The following KATNAL2 variants were observed in gnomAD, a reference collection of about 807,000 sequenced individuals.
KATNAL2 encodes katanin catalytic subunit A1 like 2, also known as katanin p60 ATPase-containing subunit A-like 2.
In KATNAL2, 52 loss-of-function variants were observed where a neutral mutation model predicts 76.3. The observed-to-expected ratio is 0.68, with a 90% CI of 0.55 to 0.86. The LOEUF is 0.86. KATNAL2 is among the 40% of genes least tolerant of loss of function. The pLI, the probability that KATNAL2 is intolerant of heterozygous loss-of-function variation, is 0.00. For synonymous variants in KATNAL2, 243 were observed against 244.2 expected, an observed-to-expected ratio of 1.00 and a Z score of 0.05; for missense variants, 660 against 668.9, an observed-to-expected ratio of 0.99 and a Z score of 0.15.
chr18:46,930,728 T>C (rs1165666497), intron 1 of KATNAL2, among the ~76,000 whole-genome samples: 1 of 151,732 alleles, frequency 6.6e-6, no homozygotes, highest in Non-Finnish European at 1.5e-5. Flanking sequence ...GGCAGGAGGA[T>C]TGCTTGAACC....
At chr18:47,095,961 T>C (rs1448612759) in intron 15 of KATNAL2, among the ~76,000 whole-genome samples, 2 of 152,172 alleles carry the variant, frequency 1.3e-5, no homozygotes, top group Non-Finnish European at 2.9e-5. Context: ...GGGGGAATGA[T>C]TGTGCAAGGG....
chr18:47,035,675 A>G (rs1021974503), intron 3 of KATNAL2: 8 of 327,574 alleles, frequency 2.4e-5, no homozygotes, highest in Middle Eastern at 9.8e-4. Context: ...CACAATGCAG[A>G]CAATCGGGAC....
chr18:47,058,321 C>G lies in KATNAL2; in HGVS notation c.419C>G (p.Thr140Ser). The change falls in exon 7 of 18, where the codon ACC becomes AGC. Residue 140 changes from threonine (T) to serine (S), a missense_variant. Transcript: ENST00000683218. ...ACCACAGCGGGGAAGACAGGGGACA[C>G]CAAATCGCTCAATAAGGAGCATCCT... The part of the protein sequence containing the change: ...SKTTAGKTGD[T>S]KSLNKEHPNQ... 1 of 1,613,522 alleles carries G rather than the reference C, an allele frequency of 6.2e-7. No individual in the cohort carries two copies. Among genetic ancestry groups the G allele is most frequent in the Non-Finnish European group, 8.5e-7 (1 of 1,179,466 alleles).
chr18:46,919,506 G>T (rs1212823086), intron 1 of KATNAL2, among the ~76,000 whole-genome samples: 1 of 150,078 alleles, frequency 6.7e-6, no homozygotes, highest in South Asian at 2.1e-4. Context: ...AAAATTAGCC[G>T]GGTGTGGTGG....
intron 8 of KATNAL2, among the ~76,000 whole-genome samples, chr18:47,060,021 G>A (rs1306120575): frequency 2.0e-5 from 3 of 147,452 alleles, no homozygotes. Context: ...TTAAGAGACA[G>A]GGTCTTGCTC....
chr18:47,043,796 TA>T (rs1254867444), intron 3 of KATNAL2, among the ~76,000 whole-genome samples: 1 of 142,594 alleles, frequency 7.0e-6, no homozygotes, highest in Non-Finnish European at 1.5e-5. Flanking sequence ...AGTAACCTAA[TA>T]AAAATGGGGT....
intron 6 of KATNAL2, among the ~76,000 whole-genome samples, chr18:47,055,250 G>A (rs1450342232): frequency 6.6e-6 from 1 of 152,204 alleles, no homozygotes; most frequent in Non-Finnish European, 1.5e-5. Context: ...CAACCTGTGG[G>A]CTGTTGCTAT....
intron 3 of KATNAL2, among the ~76,000 whole-genome samples, chr18:47,038,452 C>A (rs1290413040): frequency 9.8e-5 from 15 of 152,310 alleles, no homozygotes; most frequent in African/African-American, 3.6e-4. Flanking sequence ...CTGTATTTTT[C>A]TGCCTCTGTG....
intron 1 of KATNAL2, among the ~76,000 whole-genome samples, chr18:46,924,977 T>A (rs1191920508): frequency 6.6e-6 from 1 of 152,192 alleles, no homozygotes. Context: ...TTGAGGAGAT[T>A]TTGGGCTGAG....
chr18:46,953,905 G>C (rs543945965), intron 3 of KATNAL2, among the ~76,000 whole-genome samples: 4 of 152,170 alleles, frequency 2.6e-5, no homozygotes, highest in Admixed American at 1.3e-4. Context: ...TGTCAGTTAT[G>C]TGTAGGTCTT....
chr18:46,926,180 G>A (rs1450511232), intron 1 of KATNAL2, among the ~76,000 whole-genome samples: 5 of 152,038 alleles, frequency 3.3e-5, no homozygotes, highest in Non-Finnish European at 7.4e-5. Flanking sequence ...TGATGTTAGG[G>A]TGTCAATTTT....
rs115047498 is a variant in KATNAL2 at position 47,050,080 on chromosome 18, G to C, written c.123-2800G>C. ...TTTTTGGTAGAGATGAGATTTATCT[G>C]TTGCCCAGGCTGGTCTGGGACTCCT... On this transcript the variant is annotated intron_variant, in intron 4 of 17. Coordinates refer to ENST00000683218, the MANE Select transcript of KATNAL2 (RefSeq NM_001387690.1). Among the ~76,000 whole-genome samples the C allele has an allele frequency of 8.2e-3, 1,246 of 152,126 alleles. 10 individuals carry two copies. Among genetic ancestry groups the C allele is most frequent in the East Asian group, 0.037 (193 of 5,170 alleles).
chr18:47,086,598 A>G (rs2062785131), intron 15 of KATNAL2, among the ~76,000 whole-genome samples: 1 of 152,214 alleles, frequency 6.6e-6, no homozygotes, highest in Non-Finnish European at 1.5e-5. Context: ...TACAGGCGTG[A>G]GCCACTGTGC....
chr18:46,947,023 C>G (rs1422839119), intron 3 of KATNAL2, 100 bp downstream of exon 3: 2 of 870,240 alleles, frequency 2.3e-6, no homozygotes, highest in Admixed American at 4.0e-5. Flanking sequence ...CGACAGAGTC[C>G]GCTACTAGAG....
At chr18:47,076,796 AT>A (rs397858370) in intron 14 of KATNAL2, among the ~76,000 whole-genome samples, 1 of 102,824 alleles carries the variant, frequency 9.7e-6, no homozygotes, top group Admixed American at 9.2e-5. Flanking sequence ...TAATAAATAA[AT>A]TATATATATA....
chr18:47,072,413 T>C (rs1375781287), intron 13 of KATNAL2, among the ~76,000 whole-genome samples: 1 of 152,206 alleles, frequency 6.6e-6, no homozygotes, highest in Non-Finnish European at 1.5e-5. Flanking sequence ...TACGTTAGCA[T>C]CAACAACTGT....
At chr18:46,944,730 G>A (rs974802041) in intron 1 of KATNAL2, among the ~76,000 whole-genome samples, 5 of 152,002 alleles carry the variant, frequency 3.3e-5, no homozygotes, top group East Asian at 1.9e-4. Flanking sequence ...GCGAGACTTC[G>A]TCTCAAAATA....
intron 1 of KATNAL2, among the ~76,000 whole-genome samples, chr18:46,932,565 T>G (rs2058960955): frequency 6.9e-6 from 1 of 144,480 alleles, no homozygotes; most frequent in Non-Finnish European, 1.5e-5. Flanking sequence ...GCACCGCCAC[T>G]CAGGAGGCTG....
intron 3 of KATNAL2, chr18:47,035,670 T>G (rs1259861309): frequency 2.5e-4 from 86 of 346,344 alleles, no homozygotes; most frequent in Non-Finnish European, 1.7e-4. Flanking sequence ...GTCAGCACAA[T>G]GCAGACAATC....
Sources: allele counts gnomAD v4.1 joint callset (sites outside exome capture counted in the v4.1 genomes callset), GRCh38; gene constraint gnomAD v4.1.1; transcripts MANE v1.5; gene names NCBI Gene and HGNC (gene_info 2026-07-23, HGNC 2026-07-21).